NOSTRIN: variants seen among roughly 807,000 people sequenced by gnomAD.
NOSTRIN encodes the protein BM247 homolog.
NOSTRIN carries 63 observed loss-of-function variants against 59.0 expected under a neutral mutation model. That is an observed-to-expected ratio of 1.07 (90% CI 0.87 to 1.32). The LOEUF (loss-of-function observed/expected upper bound fraction) is 1.32. NOSTRIN is among the 40% of genes most tolerant of loss of function. The pLI is 0.00. For synonymous variants in NOSTRIN, 200 were observed against 165.4 expected (o/e 1.21, Z -1.61); for missense variants, 512 against 473.1 (o/e 1.08, Z -0.76).
intron 5 of NOSTRIN, among the ~76,000 whole-genome samples, chr2:168,830,223 G>T (rs1011927597): frequency 6.6e-6 from 1 of 152,104 alleles, no homozygotes; most frequent in African/African-American, 2.4e-5. Flanking sequence ...TACCATAAAT[G>T]AGGCACAGTG....
intron 2 of NOSTRIN, among the ~76,000 whole-genome samples, chr2:168,816,113 T>A (rs890368141): frequency 6.6e-6 from 1 of 152,190 alleles, no homozygotes; most frequent in Non-Finnish European, 1.5e-5. Context: ...CAAAGGCACA[T>A]GGCTGAGTGA....
intron 1 of NOSTRIN, 64 bp downstream of exon 1, chr2:168,802,737 TA>T: frequency 1.2e-6 from 1 of 842,618 alleles, no homozygotes; most frequent in Non-Finnish European, 2.1e-6. Context: ...ATTTGTATAT[TA>T]ATGGATTTTA....
chr2:168,800,568 C>CGG (rs1685585070), upstream of NOSTRIN, among the ~76,000 whole-genome samples: 1 of 152,150 alleles, frequency 6.6e-6, no homozygotes, highest in Non-Finnish European at 1.5e-5. Context: ...AGTCAGCCCA[C>CGG]TGGGAATGGC....
rs1313809000 is a variant in NOSTRIN, at chr2:168,843,483, T to G, written c.630+366T>G. ...CTCATACAGTGATCGCTTATGGAGG[T>G]CAGGCATCGTGTTAGGCACTGGAGA... is the stretch of plus-strand genomic sequence containing the variant. On this transcript the variant is annotated intron_variant, in intron 8 of 15. Transcript: ENST00000317647. Among the ~76,000 whole-genome samples the G allele has an allele frequency of 3.9e-5, 6 of 152,228 alleles. No individual in the cohort carries two copies. The East Asian group carries it at 9.7e-4, about 24-fold the overall frequency.
chr2:168,787,033 ATTCT>A (rs1417965473), intron 1 of NOSTRIN: 2 of 152,134 alleles, frequency 1.3e-5, no homozygotes, highest in Admixed American at 1.3e-4. Flanking sequence ...CCGGCCCCAA[ATTCT>A]TTCTTCTAAG....
At chr2:168,859,712 C>A in intron 13 of NOSTRIN, 75 bp downstream of exon 13, 1 of 1,525,096 alleles carries the variant, frequency 6.6e-7, no homozygotes. Flanking sequence ...AGCATCAGGG[C>A]AAAAAAGGTG....
upstream of NOSTRIN, among the ~76,000 whole-genome samples, chr2:168,796,480 C>T (rs546982165): frequency 6.6e-5 from 10 of 152,324 alleles, no homozygotes; most frequent in South Asian, 2.1e-4. Context: ...TGTCCCTTTA[C>T]GGTCATCTTG....
intron 8 of NOSTRIN, among the ~76,000 whole-genome samples, chr2:168,845,152 A>G (rs1688338850): frequency 6.6e-6 from 1 of 152,192 alleles, no homozygotes; most frequent in Non-Finnish European, 1.5e-5. Context: ...TTTATGCTAG[A>G]TAGATTTTAG....
chr2:168,798,642 T>C (rs1428183185), upstream of NOSTRIN, among the ~76,000 whole-genome samples: 1 of 152,180 alleles, frequency 6.6e-6, no homozygotes, highest in Non-Finnish European at 1.5e-5. Flanking sequence ...ACAGTAAATC[T>C]AACCGGAAGC....
intron 11 of NOSTRIN, chr2:168,855,950 T>C (rs1689077170): frequency 2.2e-6 from 1 of 449,526 alleles, no homozygotes; most frequent in Non-Finnish European, 4.4e-6. Context: ...CGACTCCACA[T>C]TTGTGACTCT....
intron 10 of NOSTRIN, among the ~76,000 whole-genome samples, chr2:168,855,118 TA>T (rs1468530915): frequency 6.6e-6 from 1 of 152,176 alleles, no homozygotes; most frequent in Non-Finnish European, 1.5e-5. Flanking sequence ...TCTGCTCTAT[TA>T]AAAAGTGCTC....
intron 1 of NOSTRIN, among the ~76,000 whole-genome samples, chr2:168,804,724 C>G (rs558022400): frequency 1.6e-4 from 25 of 152,194 alleles, no homozygotes; most frequent in African/African-American, 6.0e-4. Context: ...CACCAATGTA[C>G]CCATGTATGG....
At chr2:168,841,490 G>A (rs1023957732) in intron 7 of NOSTRIN, among the ~76,000 whole-genome samples, 1 of 152,122 alleles carries the variant, frequency 6.6e-6, no homozygotes, top group Non-Finnish European at 1.5e-5. Flanking sequence ...CAAGAGGGGG[G>A]CTCTTTGTAA....
chr2:168,837,824 C>T (rs1178800110), intron 7 of NOSTRIN, among the ~76,000 whole-genome samples: 1 of 152,204 alleles, frequency 6.6e-6, no homozygotes, highest in African/African-American at 2.4e-5. Context: ...TGTTTATTTC[C>T]CGTTTCTAGA....
intron 2 of NOSTRIN, among the ~76,000 whole-genome samples, chr2:168,791,286 T>C (rs1293968013): frequency 1.3e-5 from 2 of 152,202 alleles, no homozygotes; most frequent in Non-Finnish European, 2.9e-5. Context: ...AATGATGGTT[T>C]CCAGTTTCAT....
intron 2 of NOSTRIN, among the ~76,000 whole-genome samples, chr2:168,816,504 C>G (rs1574270558): frequency 1.3e-5 from 2 of 152,252 alleles, no homozygotes; most frequent in Admixed American, 1.3e-4. Context: ...TCACCACCAC[C>G]ACCACCACAC....
chr2:168,796,023 A>T (rs982722919), upstream of NOSTRIN, among the ~76,000 whole-genome samples: 12 of 152,186 alleles, frequency 7.9e-5, no homozygotes, highest in Non-Finnish European at 1.5e-4. Context: ...CTTTGGAGAG[A>T]TATGGAAATT....
At chr2:168,838,799 T>C (rs1381722219) in intron 7 of NOSTRIN, among the ~76,000 whole-genome samples, 1 of 151,394 alleles carries the variant, frequency 6.6e-6, no homozygotes, top group Non-Finnish European at 1.5e-5. Flanking sequence ...CTTTTTTTTT[T>C]TTTTTGAGAC....
At chr2:168,863,558 G>A (rs1689620850) in intron 15 of NOSTRIN, 1 of 985,188 alleles carries the variant, frequency 1.0e-6, no homozygotes, top group Non-Finnish European at 1.2e-6. Flanking sequence ...CTCTTTATTT[G>A]AATCATTGCT....
Sources: gnomAD v4.1 joint callset for allele counts (sites outside exome capture counted in the v4.1 genomes callset) on GRCh38, gnomAD v4.1.1 for gene constraint, MANE v1.5 for transcripts, NCBI Gene and HGNC (gene_info 2026-07-23, HGNC 2026-07-21) for gene names.